PCDH9: variants seen among roughly 807,000 people sequenced by gnomAD.
PCDH9 encodes the protein protocadherin 9, also known as protocadherin-9.
Under a neutral mutation model 70.6 loss-of-function variants are expected in PCDH9, and 24 were observed. The observed-to-expected ratio is 0.34, with a 90% confidence interval of 0.25 to 0.48. The LOEUF is 0.48. Among genes scored for constraint, PCDH9 ranks in the 20% least tolerant of loss-of-function variants. PCDH9 has a pLI of 0.99. For missense variants in PCDH9, 1,281 were observed against 1,503.6 expected, an observed-to-expected ratio of 0.85 and a Z score of 2.45; for synonymous variants, 562 against 558.5, an observed-to-expected ratio of 1.01 and a Z score of -0.09.
chr13:66,851,001 C>T (rs1259128372), intron 3 of PCDH9, among the ~76,000 whole-genome samples: 1 of 152,194 alleles, frequency 6.6e-6, no homozygotes, highest in Non-Finnish European at 1.5e-5. Flanking sequence ...TGACAACTTA[C>T]ATATTTTCAA....
At chr13:66,617,004 GGCTGATTCCT>G (rs1201664153) in intron 4 of PCDH9, among the ~76,000 whole-genome samples, 1 of 152,160 alleles carries the variant, frequency 6.6e-6, no homozygotes, top group Non-Finnish European at 1.5e-5. Flanking sequence ...AGGTGAATGT[GGCTGATTCCT>G]GCTGATTAAG....
intron 3 of PCDH9, among the ~76,000 whole-genome samples, chr13:66,704,913 T>C (rs1432605759): frequency 5.9e-5 from 9 of 152,176 alleles, no homozygotes; most frequent in Admixed American, 5.2e-4. Context: ...ACAAAACATA[T>C]TTCTAATGCT....
intron 2 of PCDH9, among the ~76,000 whole-genome samples, chr13:67,059,355 A>ATATATATAGTGTATATATATATATAT (rs2085487797): frequency 1.6e-5 from 2 of 123,370 alleles, no homozygotes; most frequent in African/African-American, 6.1e-5. Flanking sequence ...TATATATATT[A>ATATATATAGTGTATATATATATATAT]TATATATATA....
Position 67,226,349 on chromosome 13 carries a change from C to T in PCDH9, c.2092G>A (p.Ala698Thr). The T allele has an allele frequency of 1.2e-6, 2 of 1,614,158 alleles. No homozygotes were observed. Among genetic ancestry groups the T allele is most frequent in the East Asian group, 4.5e-5 (2 of 44,882 alleles). ...TCAACATCCACTGCAAAAACTTCTG[C>T]TACCACGGAGCCAGGAATGGCTGAG... ...PLSAIPGSVVAEVFAVDVDTG... is the reference protein window; with the variant it reads ...PLSAIPGSVVTEVFAVDVDTG... The change falls in exon 2 of 5, where the codon GCA (alanine) becomes ACA (threonine). Residue 698 changes from alanine to threonine, a missense_variant. Ala to Thr is a moderately conservative substitution (Grantham distance 58). Transcript: ENST00000377865. This position sits in a 1 kb window ranked among gnomAD's most constrained non-coding sequence, Gnocchi z 5.0.
chr13:67,077,290 G>T (rs1013849372), intron 2 of PCDH9, among the ~76,000 whole-genome samples: 1 of 152,044 alleles, frequency 6.6e-6, no homozygotes, highest in African/African-American at 2.4e-5. Context: ...AGCATATCAG[G>T]CATGCTTTTA....
intron 4 of PCDH9, among the ~76,000 whole-genome samples, chr13:66,628,702 T>C (rs2077530344): frequency 6.6e-6 from 1 of 152,220 alleles, no homozygotes; most frequent in Non-Finnish European, 1.5e-5. Context: ...CACATAAGCC[T>C]AAGTTTTGCT....
rs143705221 is a variant in PCDH9, at chr13:66,809,017, G to A, written c.3138+94487C>T. ...CGCTGGAGTGCGGTGGCGCTATCTC[G>A]GCTCACTGCAAGCTCCGCCTCCCAG... is the stretch of plus-strand genomic sequence containing the variant. On this transcript the variant is annotated intron_variant, in intron 3 of 4. Transcript: ENST00000377865. Among the ~76,000 whole-genome samples, 560 of 152,208 alleles carry A rather than the reference G, an allele frequency of 3.7e-3. 4 individuals are homozygous for A. The highest frequency in any genetic ancestry group is 0.013 in the African/African-American group (532 of 41,514).
intron 3 of PCDH9, among the ~76,000 whole-genome samples, chr13:66,865,528 G>T (rs1416059684): frequency 6.6e-6 from 1 of 152,180 alleles, no homozygotes; most frequent in Non-Finnish European, 1.5e-5. Flanking sequence ...TACAGGGGCA[G>T]TTTTAATTAT....
chr13:66,645,789 T>A (rs1013040637), intron 3 of PCDH9, among the ~76,000 whole-genome samples: 7 of 152,166 alleles, frequency 4.6e-5, no homozygotes, highest in African/African-American at 1.7e-4. Context: ...GTCTCTCCAT[T>A]CATAATGTTT....
intron 4 of PCDH9, among the ~76,000 whole-genome samples, chr13:66,400,655 G>A (rs1389289353): frequency 1.3e-5 from 2 of 152,084 alleles, no homozygotes; most frequent in African/African-American, 4.8e-5. Context: ...GGCTGAAGTG[G>A]GCTAATTTAA....
At chr13:66,349,511 C>T (rs1346790684) in intron 4 of PCDH9, among the ~76,000 whole-genome samples, 1 of 152,172 alleles carries the variant, frequency 6.6e-6, no homozygotes, top group Non-Finnish European at 1.5e-5. Context: ...CTTTGGCACA[C>T]CCAGAGCTTT....
At chr13:66,860,725 G>A in intron 3 of PCDH9, among the ~76,000 whole-genome samples, 1 of 152,274 alleles carries the variant, frequency 6.6e-6, no homozygotes, top group Non-Finnish European at 1.5e-5. Context: ...TCTTCTTCCT[G>A]CTAAGTACTT....
intron 2 of PCDH9, among the ~76,000 whole-genome samples, chr13:67,143,004 G>T (rs529063879): frequency 6.6e-6 from 1 of 150,554 alleles, no homozygotes; most frequent in Non-Finnish European, 1.5e-5. Flanking sequence ...GCTAGACTAC[G>T]TATCAAAAAA....
intron 4 of PCDH9, among the ~76,000 whole-genome samples, chr13:66,611,820 CTTA>C (rs1368977526): frequency 3.3e-5 from 5 of 152,096 alleles, no homozygotes; most frequent in Admixed American, 6.6e-5. Context: ...TAATTGAAGA[CTTA>C]TTATTAACCT....
chr13:66,570,969 T>A (rs909975150), intron 4 of PCDH9, among the ~76,000 whole-genome samples: 1 of 151,962 alleles, frequency 6.6e-6, no homozygotes, highest in Non-Finnish European at 1.5e-5. Context: ...TAGAACAGAA[T>A]GCATAAATAT....
chr13:66,815,722 G>A (rs182267803), intron 3 of PCDH9, among the ~76,000 whole-genome samples: 14 of 152,152 alleles, frequency 9.2e-5, no homozygotes, highest in South Asian at 6.2e-4. Flanking sequence ...ACTACATATG[G>A]ACACAAAGAA....
intron 4 of PCDH9, 114 bp downstream of exon 4, chr13:66,631,096 C>A (rs1041165358): frequency 3.1e-6 from 2 of 653,460 alleles, no homozygotes; most frequent in African/African-American, 1.8e-5. Context: ...ACAATAAAGC[C>A]AGCAAAAAAA....
chr13:66,750,317 T>C (rs866403122), intron 3 of PCDH9, among the ~76,000 whole-genome samples: 19 of 152,120 alleles, frequency 1.2e-4, no homozygotes, highest in South Asian at 2.1e-4. Flanking sequence ...CAAACACATA[T>C]AGAAAAATAA....
rs183184187 is a variant in PCDH9 at position 66,985,320 on chromosome 13, G to A, written c.3037-81715C>T. On this transcript the variant is annotated intron_variant, in intron 2 of 4. Transcript: ENST00000377865. ...AAGTACCTTTGGGCATGTGTAGCCT[G>A]TAAGCTACATTATTATTAAAATATT... is the stretch of plus-strand genomic sequence containing the variant. Among the ~76,000 whole-genome samples, 475 of 152,158 alleles carry A rather than the reference G, an allele frequency of 3.1e-3. 1 individual carries two copies. The highest frequency in any genetic ancestry group is 0.01 in the African/African-American group (421 of 41,518).
Sources: allele counts gnomAD v4.1 joint callset (sites outside exome capture counted in the v4.1 genomes callset), GRCh38; gene constraint gnomAD v4.1.1; non-coding constraint Gnocchi (gnomAD v3.1); transcripts MANE v1.5; gene names NCBI Gene and HGNC (gene_info 2026-07-23, HGNC 2026-07-21).